CCDC178: variants seen among roughly 807,000 people sequenced by gnomAD.
The protein encoded by CCDC178 is coiled-coil domain containing 178, also known as coiled-coil domain-containing protein 178.
A neutral mutation model predicts 117.4 loss-of-function variants in CCDC178; 126 were observed. The observed-to-expected ratio is 1.07, with a 90% CI of 0.93 to 1.24. The LOEUF is 1.24. Among genes scored for constraint, CCDC178 ranks in the 50% most tolerant of loss-of-function variants. The pLI, the probability that CCDC178 is intolerant of heterozygous loss-of-function variation, is 0.00. For synonymous variants in CCDC178, 283 were observed against 313.4 expected (o/e 0.90, Z 1.02); for missense variants, 1,030 against 986.9 (o/e 1.04, Z -0.59).
At chr18:33,206,762 C>A (rs2059049255) in intron 20 of CCDC178, among the ~76,000 whole-genome samples, 1 of 152,130 alleles carries the variant, frequency 6.6e-6, no homozygotes, top group East Asian at 1.9e-4. Context: ...ATTCACCATA[C>A]ACTTCTTGTA....
At chr18:33,307,594 G>A (rs2062273630) in intron 11 of CCDC178, among the ~76,000 whole-genome samples, 1 of 152,208 alleles carries the variant, frequency 6.6e-6, no homozygotes, top group African/African-American at 2.4e-5. Context: ...ATTTGCATAA[G>A]TAACAATACA....
intron 2 of CCDC178, among the ~76,000 whole-genome samples, chr18:33,420,080 T>C (rs936719226): frequency 7.2e-5 from 11 of 151,906 alleles, no homozygotes; most frequent in African/African-American, 2.2e-4. Context: ...AAAGAAAACA[T>C]GGAATGTTTA....
chr18:33,333,177 C>T lies in CCDC178; in HGVS notation c.876G>A (p.Met292Ile). Residue 292 changes from methionine (M) to isoleucine (I), a missense_variant, in exon 10 of 23, where the codon ATG (methionine) becomes ATA (isoleucine). Physicochemically the swap from Met to Ile is conservative, Grantham distance 10. Coordinates refer to ENST00000383096, the MANE Select transcript of CCDC178 (RefSeq NM_001105528.4). ...GCTCATGCATTCGTTTATTTACCTC[C>T]ATTTTTTTTTTATAATGGTTCTTCA... Reference protein sequence around the residue: ...QDLKNHYKKKMEVMDLHRKVN... With the variant: ...QDLKNHYKKKIEVMDLHRKVN... 6.5e-7 allele frequency: 1 copy of T among 1,544,196 alleles called. No homozygotes were observed. Among genetic ancestry groups the T allele is most frequent in the Non-Finnish European group, 8.9e-7 (1 of 1,129,464 alleles).
intron 20 of CCDC178, among the ~76,000 whole-genome samples, chr18:33,120,785 C>T (rs2057926431): frequency 6.6e-6 from 1 of 152,036 alleles, no homozygotes; most frequent in African/African-American, 2.4e-5. Flanking sequence ...CCTTATCTTA[C>T]TCTAATTATT....
In CCDC178 at chr18:33,168,006, T is replaced by C. The variant is rs138725252; in HGVS notation, c.2238+43890A>G. 5.9e-3 allele frequency among the ~76,000 whole-genome samples: 891 copies of C among 152,256 alleles called. 7 individuals carry two copies. Among genetic ancestry groups the C allele is most frequent in the Middle Eastern group, 0.031 (9 of 294 alleles). On this transcript the variant is annotated intron_variant, in intron 20 of 22. Coordinates refer to ENST00000383096, the MANE Select transcript of CCDC178 (RefSeq NM_001105528.4). ...TATTAGACCTTTGTTGGATGTATAG[T>C]TTGCAAATATTTTCTCCAATCCTAT...
chr18:33,206,162 A>G (rs1000291219), intron 20 of CCDC178, among the ~76,000 whole-genome samples: 1 of 152,194 alleles, frequency 6.6e-6, no homozygotes, highest in African/African-American at 2.4e-5. Flanking sequence ...AGGCAGCTAC[A>G]TTCCCTAAAT....
chr18:33,018,116 A>C (rs145882832), intron 21 of CCDC178, among the ~76,000 whole-genome samples: 2 of 152,080 alleles, frequency 1.3e-5, no homozygotes, highest in Non-Finnish European at 2.9e-5. Flanking sequence ...TTTTAAAAGG[A>C]ACAACATATT....
At chr18:33,189,807 C>T (rs2058837205) in intron 20 of CCDC178, among the ~76,000 whole-genome samples, 1 of 152,042 alleles carries the variant, frequency 6.6e-6, no homozygotes, top group African/African-American at 2.4e-5. Context: ...CTCACAAAAC[C>T]TTTGACTATA....
intron 21 of CCDC178, among the ~76,000 whole-genome samples, chr18:33,040,502 A>G (rs1012129875): frequency 1.3e-5 from 2 of 152,032 alleles, no homozygotes; most frequent in African/African-American, 4.8e-5. Flanking sequence ...GAAACTACAT[A>G]ATGAAAAGTT....
chr18:33,202,009 T>C (rs1170414558), intron 20 of CCDC178, among the ~76,000 whole-genome samples: 1 of 152,274 alleles, frequency 6.6e-6, no homozygotes, highest in South Asian at 2.1e-4. Flanking sequence ...ATCAACGCAG[T>C]GGCTGACTCC....
intron 22 of CCDC178, among the ~76,000 whole-genome samples, chr18:32,967,554 A>T (rs1032704534): frequency 6.6e-6 from 1 of 151,328 alleles, no homozygotes; most frequent in Non-Finnish European, 1.5e-5. Context: ...CATTTCTTCT[A>T]AATAACATGA....
intron 20 of CCDC178, among the ~76,000 whole-genome samples, chr18:33,104,040 A>G (rs273025): frequency 0.14 from 21,606 of 151,704 alleles, 2,389 homozygotes; most frequent in African/African-American, 0.31. Flanking sequence ...GAAAGTGCCA[A>G]TGGGCAATTT....
At chr18:33,383,161 C>G (rs1260302352) in intron 5 of CCDC178, among the ~76,000 whole-genome samples, 2 of 152,178 alleles carry the variant, frequency 1.3e-5, no homozygotes, top group Admixed American at 1.3e-4. Flanking sequence ...CCTCACTGGG[C>G]ATGGACAGGG....
At chr18:33,381,084 G>C (rs562431950) in intron 5 of CCDC178, among the ~76,000 whole-genome samples, 2 of 152,296 alleles carry the variant, frequency 1.3e-5, no homozygotes, top group African/African-American at 4.8e-5. Context: ...TTAATATAGA[G>C]AGAATAGTCA....
chr18:33,326,535 T>C (rs2062587017), intron 10 of CCDC178, among the ~76,000 whole-genome samples: 1 of 152,214 alleles, frequency 6.6e-6, no homozygotes, highest in African/African-American at 2.4e-5. Context: ...AGCCTTGTTT[T>C]ATGGCCTTAG....
chr18:33,289,744 C>A (rs2060144416), intron 12 of CCDC178, among the ~76,000 whole-genome samples: 1 of 151,960 alleles, frequency 6.6e-6, no homozygotes, highest in African/African-American at 2.4e-5. Flanking sequence ...TATAAACAAA[C>A]ATTTATTGTG....
chr18:33,120,610 G>C (rs1598904076), intron 20 of CCDC178, among the ~76,000 whole-genome samples: 2 of 152,210 alleles, frequency 1.3e-5, no homozygotes, highest in African/African-American at 4.8e-5. Context: ...TGCTTGCTGA[G>C]GGTAAAAGAA....
chr18:33,343,113 T>C (rs188666523), intron 9 of CCDC178, among the ~76,000 whole-genome samples: 82 of 152,252 alleles, frequency 5.4e-4, no homozygotes, highest in Non-Finnish European at 1.0e-3. Context: ...GCTGTGATTT[T>C]TTTTTTCCTC....
chr18:33,242,615 T>TA (rs1446461796), intron 15 of CCDC178, among the ~76,000 whole-genome samples: 2 of 42,472 alleles, frequency 4.7e-5, no homozygotes, highest in South Asian at 1.5e-3. Context: ...CAGATATTTT[T>TA]CAAAAAAAAA....
Sources: allele counts gnomAD v4.1 joint callset (sites outside exome capture counted in the v4.1 genomes callset), GRCh38; gene constraint gnomAD v4.1.1; transcripts MANE v1.5; gene names NCBI Gene and HGNC (gene_info 2026-07-23, HGNC 2026-07-21).